MYH11: variants seen among roughly 807,000 people sequenced by gnomAD.
MYH11 encodes the protein myosin-11.
MYH11 carries 80 observed loss-of-function variants against 246.6 expected under a neutral mutation model. The ratio of observed to expected loss-of-function variants is 0.32; its 90% CI spans 0.27 to 0.39. The LOEUF (loss-of-function observed/expected upper bound fraction) is 0.39, where lower values mean the gene tolerates loss of function less well. Among genes scored for constraint, MYH11 ranks in the 10% least tolerant of loss-of-function variants. The pLI is 1.00. For missense variants in MYH11, 2,158 were observed against 2,546.8 expected (o/e 0.85, Z 3.29); for synonymous variants, 1,071 against 1,015.5 (o/e 1.05, Z -1.04).
chr16:15,791,786 G>A (rs2042616455), intron 4 of MYH11: 1 of 147,848 alleles, frequency 6.8e-6, no homozygotes, highest in South Asian at 2.1e-4. Context: ...TGATACTCCT[G>A]CCCCAATCTC....
Position 15,720,430 on chromosome 16 carries a change from C to T in MYH11, c.4792-118G>A. On this transcript the variant is annotated intron_variant, in intron 33 of 40. Transcript: ENST00000300036. ...CACAGCCCCCTTGTGAGGTGGGCAT[C>T]TCATCCCCAGTTGCAGATGAGAAAA... 5.9e-6 allele frequency: 8 copies of T among 1,358,586 alleles called. No individual in the cohort carries two copies. The South Asian group carries it at 1.0e-4, about 17-fold the overall frequency. 84.2% of individuals were successfully genotyped at this position (1,358,586 alleles called of 1,614,324 possible).
At chr16:15,719,561 T>C in intron 35 of MYH11, 24 bp downstream of exon 35, 1 of 1,613,558 alleles carries the variant, frequency 6.2e-7, no homozygotes. Flanking sequence ...CATCTGAGGC[T>C]CTCCTAGCAA....
intron 38 of MYH11, among the ~76,000 whole-genome samples, chr16:15,715,726 C>T (rs1347269511): frequency 2.0e-5 from 3 of 152,114 alleles, no homozygotes; most frequent in Admixed American, 6.5e-5. Context: ...TAGTTCACTG[C>T]AGCCTTGAAC....
chr16:15,806,886 G>A (rs1000643250), intron 3 of MYH11, among the ~76,000 whole-genome samples: 2 of 152,108 alleles, frequency 1.3e-5, no homozygotes, highest in South Asian at 2.1e-4. Flanking sequence ...GCATATTCAC[G>A]TGTTCACATA....
chr16:15,703,577 A>G lies in MYH11; in HGVS notation c.*414T>C. ...AAACTTCAATTTTTACCTTGAATAC[A>G]GGGGTAGTAGGGGTGGTGGTGGTGG... On this transcript the variant is annotated 3_prime_UTR_variant, in exon 41 of 41. Coordinates refer to ENST00000300036, the MANE Select transcript of MYH11 (RefSeq NM_002474.3). 2.9e-6 allele frequency: 1 copy of G among 350,470 alleles called. No homozygotes were observed. 21.7% of individuals were successfully genotyped at this position (350,470 alleles called of 1,614,324 possible). A position where few individuals can be genotyped will look rare whatever the true frequency, so the allele number is the denominator to read the frequency against.
Position 15,715,024 on chromosome 16 carries a change from C to G in MYH11, c.5671G>C (p.Glu1891Gln). Residue 1891 changes from glutamate (E) to glutamine (Q), a missense_variant, in exon 40 of 41, where the codon GAG becomes CAG. Glu to Gln is a conservative substitution (Grantham distance 29). This residue lies in a region of MYH11 where 1,013 missense variants were observed against 993.5 expected (regional missense o/e 1.02). Transcript: ENST00000300036. ...TTGGCGTTGATGCGCTGGGACTCCT[C>G]CTCTGCCTCCTCCAGCTGCCTCTTG... ...QLKRQLEEAEEESQRINANRR... is the reference protein window; with the variant it reads ...QLKRQLEEAEQESQRINANRR... 1 of 1,613,896 alleles carries G rather than the reference C, an allele frequency of 6.2e-7. No individual in the cohort carries two copies. Among genetic ancestry groups the G allele is most frequent in the Non-Finnish European group, 8.5e-7 (1 of 1,180,022 alleles).
chr16:15,707,959 C>CA (rs59081092), intron 40 of MYH11, among the ~76,000 whole-genome samples: 220 of 115,926 alleles, frequency 1.9e-3, no homozygotes, highest in East Asian at 3.8e-3. Context: ...GACTCCGTCT[C>CA]AAAAAAAAAA....
chr16:15,794,456 G>A (rs2042695787), intron 4 of MYH11, among the ~76,000 whole-genome samples: 1 of 152,226 alleles, frequency 6.6e-6, no homozygotes. Flanking sequence ...GCAAATAAAA[G>A]TCTGATCGTT....
intron 5 of MYH11, chr16:15,784,858 G>T: frequency 1.2e-6 from 1 of 854,352 alleles, no homozygotes; most frequent in East Asian, 2.7e-5. Context: ...CCTTTTCCTT[G>T]ATACTGTTTC....
intron 4 of MYH11, among the ~76,000 whole-genome samples, chr16:15,793,615 C>CTTTT (rs572455483): frequency 8.0e-4 from 75 of 93,768 alleles, no homozygotes; most frequent in Non-Finnish European, 1.1e-3. Context: ...CTTTTCTTTT[C>CTTTT]TTTTTTTTTT....
At chr16:15,841,326 C>T (rs184626033) in intron 1 of MYH11, among the ~76,000 whole-genome samples, 41 of 152,252 alleles carry the variant, frequency 2.7e-4, no homozygotes, top group Admixed American at 2.0e-3. Flanking sequence ...TTAGTAGAGA[C>T]GGGGCTTCGC....
At chr16:15,787,481 CTTTTT>C (rs370002467) in intron 4 of MYH11, among the ~76,000 whole-genome samples, 17 of 116,022 alleles carry the variant, frequency 1.5e-4, no homozygotes, top group South Asian at 2.9e-4. Flanking sequence ...GAATTATCTA[CTTTTT>C]TTTTTTTTTT....
intron 1 of MYH11, among the ~76,000 whole-genome samples, chr16:15,842,762 C>CAAAAAAAAAAAAAAAAAAAAAAA (rs757920488): frequency 1.0e-4 from 2 of 19,674 alleles, no homozygotes; most frequent in African/African-American, 2.2e-4. Context: ...AGACTTCATC[C>CAAAAAAAAAAAAAAAAAAAAAAA]AAAAAAAAAA....
At position 15,720,243 on chromosome 16, in the gene MYH11, T is replaced by G. The variant is rs34321232; in HGVS notation, c.4861A>C (p.Lys1621Gln). ...AGGTCTTTCAGGTCCCCTTCCAGCT[T>G]CTTCTTTGCTGCAGCTGCCAGGGCA... Reference protein sequence around the residue: ...QRALAAAAKKKLEGDLKDLEL... With the variant: ...QRALAAAAKKQLEGDLKDLEL... The change falls in exon 34 of 41, where the codon AAG (lysine) becomes CAG (glutamine). Residue 1621 changes from lysine (K) to glutamine (Q), a missense_variant. This residue lies in a region of MYH11 where 1,013 missense variants were observed against 993.5 expected (regional missense o/e 1.02). Transcript: ENST00000300036. The G allele has an allele frequency of 1.5e-4, 241 of 1,614,004 alleles. No individual in the cohort carries two copies. The highest frequency in any genetic ancestry group is 1.8e-4 in the Non-Finnish European group (215 of 1,179,912).
intron 31 of MYH11, among the ~76,000 whole-genome samples, chr16:15,721,843 T>G (rs2040502303): frequency 6.6e-6 from 1 of 151,180 alleles, no homozygotes; most frequent in African/African-American, 2.4e-5. Flanking sequence ...AGCTGACTTG[T>G]TTTTTTTTGT....
In MYH11 at chr16:15,737,523, G is replaced by A; in HGVS notation, c.3219C>T (p.Asp1073=). The A allele has an allele frequency of 6.2e-7, 1 of 1,614,010 alleles. No individual in the cohort carries two copies. The highest frequency in any genetic ancestry group is 8.5e-7 in the Non-Finnish European group (1 of 1,180,030). The change falls in exon 25 of 41, where the codon GAC becomes GAT. Residue 1073 remains aspartate (D), a synonymous_variant. Coordinates refer to ENST00000300036, the MANE Select transcript of MYH11 (RefSeq NM_002474.3). ...DASDFHEQIA[D]LQAQIAELKM... ...TGAGCTCTGCGATCTGCGCCTGGAG[G>A]TCAGCGATCTGCTCGTGGAAGTCGC... is the stretch of plus-strand genomic sequence containing the variant.
chr16:15,830,486 C>G (rs1596920219), intron 2 of MYH11, among the ~76,000 whole-genome samples: 1 of 152,268 alleles, frequency 6.6e-6, no homozygotes, highest in East Asian at 1.9e-4. Flanking sequence ...CCAAAATACA[C>G]AGTTAGATGC....
chr16:15,724,014 C>G, intron 31 of MYH11, 147 bp downstream of exon 31: 2 of 1,402,626 alleles, frequency 1.4e-6, no homozygotes, highest in South Asian at 2.4e-5. Context: ...CATGGTCGCC[C>G]AAGACAAGAT....
rs1353911032 is a variant in MYH11, at chr16:15,719,269, G to C, written c.5122C>G (p.Leu1708Val). ...TCCTCTGCCAGTTCCTCCTTCTCGA[G>C]GTCCGCTTGTTTGCGAGCCCTCTCA... ...AAERARKQAD[L>V]EKEELAEELA... The change falls in exon 36 of 41, where the codon CTC becomes GTC. Residue 1708 changes from leucine (L) to valine (V), a missense_variant. Around this residue, in one of 11 missense-constraint regions of MYH11, gnomAD observed 1,013 missense variants for 993.5 expected, o/e 1.02. Coordinates refer to ENST00000300036, the MANE Select transcript of MYH11 (RefSeq NM_002474.3). 3.1e-6 allele frequency: 5 copies of C among 1,613,078 alleles called. No individual in the cohort carries two copies. Among genetic ancestry groups the C allele is most frequent in the Non-Finnish European group, 4.2e-6 (5 of 1,180,020 alleles).
Sources: allele counts gnomAD v4.1 joint callset (sites outside exome capture counted in the v4.1 genomes callset), GRCh38; gene constraint gnomAD v4.1.1; regional missense constraint gnomAD v4.1.1; transcripts MANE v1.5; gene names NCBI Gene and HGNC (gene_info 2026-07-23, HGNC 2026-07-21).